PCF11: variants seen among roughly 807,000 people sequenced by gnomAD.
PCF11 encodes the protein PCF11 cleavage and polyadenylation factor subunit, also known as pre-mRNA cleavage complex 2 protein Pcf11.
Under a neutral mutation model 166.1 loss-of-function variants are expected in PCF11, and 19 were observed. The ratio of observed to expected loss-of-function variants is 0.11; its 90% confidence interval spans 0.08 to 0.17. PCF11 has a LOEUF of 0.17. Ranked by LOEUF, PCF11 falls within the 10% of genes least tolerant of loss-of-function variation. PCF11 has a pLI of 1.00. For missense variants in PCF11, 1,565 were observed against 1,855.5 expected, an observed-to-expected ratio of 0.84 and a Z score of 2.88; for synonymous variants, 663 against 644.1, an observed-to-expected ratio of 1.03 and a Z score of -0.44.
rs1565164914 is a variant in PCF11 at position 83,184,657 on chromosome 11, CAT to C, written c.4453-20_4453-19del. 2 of 1,544,182 alleles carry C rather than the reference CAT, an allele frequency of 1.3e-6. No homozygotes were observed. Among genetic ancestry groups the C allele is most frequent in the Non-Finnish European group, 1.8e-6 (2 of 1,119,488 alleles). ...AGAATTTTGAACTTTCATCAGTACTCATAGGGCCTTTCATTTTGTAGACATCT... is the reference window on the plus strand; with the variant it reads ...AGAATTTTGAACTTTCATCAGTACTCAGGGCCTTTCATTTTGTAGACATCT... On this transcript the variant is annotated intron_variant, in intron 15 of 15. Transcript: ENST00000298281.
exon 5 of PCF11, chr11:83,166,677 G>C: frequency 6.3e-7 from 1 of 1,599,644 alleles, no homozygotes; most frequent in Non-Finnish European, 8.5e-7. Flanking sequence ...TTCCAAGTCT[G>C]CCAAAAGATG....
At chr11:83,157,784 A>C in intron 1 of PCF11, 153 bp downstream of exon 1, 1 of 686,768 alleles carries the variant, frequency 1.5e-6, no homozygotes. Flanking sequence ...TCTTTGGCCC[A>C]GGCTTCGAGC....
intron 1 of PCF11, chr11:83,158,922 T>A (rs541309462): frequency 6.6e-6 from 1 of 152,330 alleles, no homozygotes; most frequent in South Asian, 2.1e-4. Flanking sequence ...TAGAATCTGT[T>A]TCCAAGACTT....
At chr11:83,164,093 GT>G in intron 3 of PCF11, 113 bp from the exon 4 acceptor site, 1 of 701,536 alleles carries the variant, frequency 1.4e-6, no homozygotes, top group Admixed American at 3.4e-5. Context: ...TTTCTGATAA[GT>G]TTTCTGTGTG....
Position 83,159,089 on chromosome 11 carries a change from G to GT in PCF11, c.192+1466dup, listed in dbSNP as rs995716788. Among the ~76,000 whole-genome samples the GT allele has an allele frequency of 8.6e-5, 13 of 151,662 alleles. 1 individual carries two copies. The East Asian group carries it at 1.7e-3, about 20-fold the overall frequency. On this transcript the variant is annotated intron_variant, in intron 1 of 15. Transcript: ENST00000298281. ...AATTTAAAGAGGACGAAAAGGAAGG[G>GT]TTTTTTTTCTTTTTCCTTTTAAGGA...
exon 8 of PCF11, chr11:83,168,810 A>G: frequency 1.2e-6 from 2 of 1,613,888 alleles, no homozygotes; most frequent in Non-Finnish European, 1.7e-6. Context: ...AAGGTCCTCC[A>G]GGACCAGTGG....
Position 83,167,374 on chromosome 11 carries a change from A to C in PCF11, c.2002-41A>C. On this transcript the variant is annotated intron_variant, in intron 6 of 15. Coordinates refer to ENST00000298281, the Ensembl canonical transcript of PCF11. The surrounding 1 kb of genome is among the most constrained non-coding windows in gnomAD (Gnocchi z 4.2). Reference sequence around the variant, plus strand: ...TCGTCTATTTTTTTGGTATTTTTTTATATTTAAAATATTTTATTTCCTTTT... The same window carrying C: ...TCGTCTATTTTTTTGGTATTTTTTTCTATTTAAAATATTTTATTTCCTTTT... 6.6e-7 allele frequency: 1 copy of C among 1,510,878 alleles called. No individual in the cohort carries two copies. The highest frequency in any genetic ancestry group is 1.3e-5 in the South Asian group (1 of 75,524). The allele number at this position is 1,510,878 out of a possible 1,614,324, so 93.6% of individuals were successfully genotyped here.
intron 1 of PCF11, 143 bp downstream of exon 1, chr11:83,157,774 T>A: frequency 1.4e-6 from 1 of 739,174 alleles, no homozygotes; most frequent in Non-Finnish European, 2.2e-6. Flanking sequence ...TCAGGCTCGG[T>A]CTTTGGCCCA....
intron 9 of PCF11, among the ~76,000 whole-genome samples, chr11:83,176,179 G>A (rs1860872805): frequency 6.6e-6 from 1 of 152,212 alleles, no homozygotes; most frequent in Admixed American, 6.5e-5. Context: ...AGTTGGAGAT[G>A]GGGTGGTGCT....
exon 1 of PCF11, chr11:83,157,269 A>C (rs1244848416): frequency 1.2e-5 from 7 of 608,520 alleles, no homozygotes; most frequent in Middle Eastern, 4.4e-4. Flanking sequence ...GCGGCGTTTC[A>C]TACCCGAGGT....
intron 8 of PCF11, among the ~76,000 whole-genome samples, chr11:83,171,476 T>TTTACACCAGC (rs1336219344): frequency 6.6e-6 from 1 of 152,212 alleles, no homozygotes; most frequent in Non-Finnish European, 1.5e-5. Context: ...GTAAAGTGAC[T>TTTACACCAGC]TGTGTAAAGT....
intron 9 of PCF11, among the ~76,000 whole-genome samples, chr11:83,173,007 GTTATTA>G (rs954310426): frequency 2.0e-5 from 3 of 152,040 alleles, no homozygotes; most frequent in Middle Eastern, 3.2e-3. Flanking sequence ...ATTAATATTT[GTTATTA>G]TTATTATTTT....
At chr11:83,157,477 G>A (rs762040721) in exon 1 of PCF11, 1 of 1,612,884 alleles carries the variant, frequency 6.2e-7, no homozygotes. Flanking sequence ...GGTGCTGCGG[G>A]GGCCCGGGAG....
intron 9 of PCF11, among the ~76,000 whole-genome samples, chr11:83,176,834 T>C (rs1860901281): frequency 6.7e-6 from 1 of 149,950 alleles, no homozygotes; most frequent in Non-Finnish European, 1.5e-5. Flanking sequence ...CTTAAAAGTA[T>C]AATAAAAAAA....
In PCF11 at chr11:83,167,602, A is replaced by C; in HGVS notation, c.2092+97A>C. ...TTATCTGATGCTGAATTAACCTACT[A>C]TGAACATAAAGCAAAACTGAAAAGG... On this transcript the variant is annotated intron_variant, in intron 7 of 15. Transcript: ENST00000298281. This position sits in a 1 kb window ranked among gnomAD's most constrained non-coding sequence, Gnocchi z 4.2. 6.5e-7 allele frequency: 1 copy of C among 1,543,120 alleles called. No individual in the cohort carries two copies. The highest frequency in any genetic ancestry group is 8.7e-7 in the Non-Finnish European group (1 of 1,145,520).
chr11:83,181,790 G>A (rs1230895755), intron 12 of PCF11, 64 bp from the exon 13 acceptor site: 9 of 1,171,714 alleles, frequency 7.7e-6, no homozygotes, highest in Non-Finnish European at 1.1e-5. Context: ...GCATTATATT[G>A]AAGATACACA....
intron 9 of PCF11, among the ~76,000 whole-genome samples, chr11:83,173,516 G>A (rs1183308337): frequency 6.8e-6 from 1 of 147,616 alleles, no homozygotes; most frequent in Non-Finnish European, 1.5e-5. Flanking sequence ...TGTCTGTTTT[G>A]TTGTTGTTTT....
At chr11:83,178,915 A>G (rs1860984025) in intron 11 of PCF11, among the ~76,000 whole-genome samples, 1 of 152,126 alleles carries the variant, frequency 6.6e-6, no homozygotes, top group African/African-American at 2.4e-5. Flanking sequence ...CTCTCACTTT[A>G]TGGATAACAA....
intron 15 of PCF11, among the ~76,000 whole-genome samples, chr11:83,183,524 C>G (rs907170922): frequency 2.0e-5 from 3 of 152,024 alleles, no homozygotes; most frequent in African/African-American, 7.2e-5. Context: ...AAGTTTCGCT[C>G]TTGTTGCCCA....
Sources: gnomAD v4.1 joint callset for allele counts (sites outside exome capture counted in the v4.1 genomes callset) on GRCh38, gnomAD v4.1.1 for gene constraint, Gnocchi (gnomAD v3.1) non-coding constraint, MANE v1.5 for transcripts, NCBI Gene and HGNC (gene_info 2026-07-23, HGNC 2026-07-21) for gene names.